SNRNP35: variants seen among roughly 807,000 people sequenced by gnomAD.
The protein encoded by SNRNP35 is U11/U12 small nuclear ribonucleoprotein 35 kDa protein.
SNRNP35 carries 16 observed loss-of-function variants against 24.3 expected under a neutral mutation model. The observed-to-expected ratio is 0.66, with a 90% CI of 0.45 to 1.00. The LOEUF is 1.00. SNRNP35 is among the 50% of genes least tolerant of loss of function. SNRNP35 has a pLI of 0.00. For missense variants in SNRNP35, 292 were observed against 327.2 expected, an observed-to-expected ratio of 0.89 and a Z score of 0.83; for synonymous variants, 106 against 124.8, an observed-to-expected ratio of 0.85 and a Z score of 1.00.
intron 1 of SNRNP35, among the ~76,000 whole-genome samples, chr12:123,461,520 C>T (rs1213691486): frequency 1.3e-5 from 2 of 151,946 alleles, no homozygotes; most frequent in African/African-American, 4.8e-5. Context: ...AAATTGTCTC[C>T]CTCTCATCCT....
In SNRNP35 at chr12:123,466,551, TC is replaced by T; in HGVS notation, c.*271del. On this transcript the variant is annotated 3_prime_UTR_variant, in exon 2 of 2. Transcript: ENST00000526639. ...TACAGAAGGGCATTTTCTTTTCTTT[TC>T]TTTTTTTTTTTTTTGAGACAGAGTC... 2 of 263,326 alleles carry T rather than the reference TC, an allele frequency of 7.6e-6. No individual in the cohort carries two copies. 16.3% of individuals were successfully genotyped at this position (263,326 alleles called of 1,614,324 possible).
chr12:123,472,776 TAGAAG>T (rs1881283600), exon 2 of SNRNP35: 1 of 1,344,106 alleles, frequency 7.4e-7, no homozygotes, highest in African/African-American at 1.5e-5. Flanking sequence ...GCAGCAAACT[TAGAAG>T]GGAGCAAATC....
In SNRNP35 at chr12:123,466,581, C is replaced by T. The variant is rs2139292316; in HGVS notation, c.*300C>T. 1 of 208,700 alleles carries T rather than the reference C, an allele frequency of 4.8e-6. No individual in the cohort carries two copies. The highest frequency in any genetic ancestry group is 1.0e-4 in the East Asian group (1 of 9,836). 12.9% of individuals were successfully genotyped at this position (208,700 alleles called of 1,614,324 possible). On this transcript the variant is annotated 3_prime_UTR_variant, in exon 2 of 2. Transcript: ENST00000526639. The stretch of plus-strand genomic sequence containing the variant: ...TTTTTTTTTTTGAGACAGAGTCTCA[C>T]TCTGTTGCCAGGGCTGGAGTGCAGT...
chr12:123,459,118 G>GATTA (rs1880458619), intron 1 of SNRNP35: 1 of 151,496 alleles, frequency 6.6e-6, no homozygotes, highest in East Asian at 2.0e-4. Context: ...TTGATTGATT[G>GATTA]ATTGAAACGG....
At chr12:123,469,178 A>G (rs1226583977), downstream of SNRNP35, among the ~76,000 whole-genome samples, 1 of 151,478 alleles carries the variant, frequency 6.6e-6, no homozygotes, top group Non-Finnish European at 1.5e-5. Flanking sequence ...TTTTTGAGAC[A>G]GAGTCTCGCT....
chr12:123,465,755 C>G lies in SNRNP35; in HGVS notation c.215C>G (p.Ser72Cys), dbSNP rs747572893. Residue 72 changes from serine to cysteine, a missense_variant, in exon 2 of 2, where the codon TCC (serine) becomes TGC (cysteine). Coordinates refer to ENST00000526639, the MANE Select transcript of SNRNP35 (RefSeq NM_022717.4). The surrounding 1 kb of genome is among the most constrained non-coding windows in gnomAD (Gnocchi z 4.2). The stretch of plus-strand genomic sequence containing the variant: ...GAGGACAAATTAAAGGAAGTCTTTT[C>G]CCGCTATGGTGACATCCGGCGGCTT... ...TKEDKLKEVF[S>C]RYGDIRRLRL... The G allele has an allele frequency of 1.1e-5, 18 of 1,613,858 alleles. No individual in the cohort carries two copies. Among genetic ancestry groups the G allele is most frequent in the Non-Finnish European group, 1.5e-5 (18 of 1,179,968 alleles).
chr12:123,472,199 A>C, exon 2 of SNRNP35: 1 of 269,842 alleles, frequency 3.7e-6, no homozygotes, highest in Non-Finnish European at 7.1e-6. Flanking sequence ...TCAAACAGCA[A>C]TGATAGTGGC....
Position 123,458,171 on chromosome 12 carries a change from A to G in SNRNP35, c.-49A>G. ...GCGCGGAGAATCTGCTGTCGCCTGC[A>G]GCTGCTCGCCTGTCTCCGTCGGAAG... On this transcript the variant is annotated 5_prime_UTR_variant, in exon 1 of 2. Coordinates refer to ENST00000526639, the MANE Select transcript of SNRNP35 (RefSeq NM_022717.4). 5.1e-6 allele frequency: 5 copies of G among 985,458 alleles called. No homozygotes were observed. Among genetic ancestry groups the G allele is most frequent in the Non-Finnish European group, 6.0e-6 (5 of 829,980 alleles). The allele number at this position is 985,458 out of a possible 1,614,324, so 61.0% of individuals were successfully genotyped here.
chr12:123,471,566 GCT>G (rs1295170425), downstream of SNRNP35: 2 of 152,148 alleles, frequency 1.3e-5, no homozygotes, highest in Non-Finnish European at 2.9e-5. Context: ...AGAGCATCTG[GCT>G]CTCTGTCTGC....
intron 1 of SNRNP35, chr12:123,459,421 G>A (rs1880476389): frequency 6.6e-6 from 1 of 151,700 alleles, no homozygotes; most frequent in Non-Finnish European, 1.5e-5. Context: ...CAAAGTGCTG[G>A]GATTACAGGC....
At chr12:123,469,138 G>A (rs192680258), downstream of SNRNP35, among the ~76,000 whole-genome samples, 2 of 152,140 alleles carry the variant, frequency 1.3e-5, no homozygotes, top group East Asian at 1.9e-4. Context: ...TCAGTCATCC[G>A]TGGTTGAGAG....
chr12:123,468,856 G>A (rs796262157), downstream of SNRNP35, among the ~76,000 whole-genome samples: 5 of 152,300 alleles, frequency 3.3e-5, no homozygotes, highest in African/African-American at 1.2e-4. Context: ...CTTTGATCTA[G>A]CAATTCTGCT....
downstream of SNRNP35, among the ~76,000 whole-genome samples, chr12:123,468,425 C>T (rs933919730): frequency 1.6e-4 from 24 of 150,928 alleles, no homozygotes; most frequent in Non-Finnish European, 2.8e-4. Context: ...TGATGGCTCA[C>T]GGCTGTAATC....
At chr12:123,460,913 C>T (rs1263246639) in intron 1 of SNRNP35, among the ~76,000 whole-genome samples, 1 of 151,486 alleles carries the variant, frequency 6.6e-6, no homozygotes, top group Non-Finnish European at 1.5e-5. Flanking sequence ...CCACTTTTGC[C>T]TCCCAAAGTG....
At chr12:123,467,352 C>T (rs1881022295), downstream of SNRNP35, among the ~76,000 whole-genome samples, 1 of 152,192 alleles carries the variant, frequency 6.6e-6, no homozygotes. Flanking sequence ...CTATGGCAGC[C>T]TTCCAGCCCT....
intron 1 of SNRNP35, among the ~76,000 whole-genome samples, chr12:123,461,945 C>T (rs1240135717): frequency 6.6e-6 from 1 of 152,074 alleles, no homozygotes; most frequent in Non-Finnish European, 1.5e-5. Flanking sequence ...TGGTCTTGAG[C>T]TGCTGACCTC....
downstream of SNRNP35, among the ~76,000 whole-genome samples, chr12:123,469,199 G>A (rs1881082885): frequency 6.6e-6 from 1 of 152,018 alleles, no homozygotes; most frequent in Non-Finnish European, 1.5e-5. Flanking sequence ...CTGTCGCCCA[G>A]GCTGGAGTGC....
downstream of SNRNP35, among the ~76,000 whole-genome samples, chr12:123,468,372 A>AG (rs1201758521): frequency 1.3e-5 from 2 of 148,612 alleles, no homozygotes; most frequent in Non-Finnish European, 3.0e-5. Context: ...AAAAAAAAAA[A>AG]AAAGAAAAGA....
chr12:123,466,411 T>A lies in SNRNP35; in HGVS notation c.*130T>A, dbSNP rs1278882002. On this transcript the variant is annotated 3_prime_UTR_variant, in exon 2 of 2. Coordinates refer to ENST00000526639, the MANE Select transcript of SNRNP35 (RefSeq NM_022717.4). ...GATCATGGGGTTTGGAATAGTTTTC[T>A]TTCCAATCTGGAACTTCGGTTCAAG... 1 of 1,004,096 alleles carries A rather than the reference T, an allele frequency of 1.0e-6. No homozygotes were observed. The highest frequency in any genetic ancestry group is 1.4e-6 in the Non-Finnish European group (1 of 702,482). 62.2% of individuals were successfully genotyped at this position (1,004,096 alleles called of 1,614,324 possible).
Sources: allele counts gnomAD v4.1 joint callset (sites outside exome capture counted in the v4.1 genomes callset), GRCh38; gene constraint gnomAD v4.1.1; non-coding constraint Gnocchi (gnomAD v3.1); transcripts MANE v1.5; gene names NCBI Gene and HGNC (gene_info 2026-07-23, HGNC 2026-07-21).